The following SLC12A8 variants were observed in gnomAD, a reference collection of about 807,000 sequenced individuals.
SLC12A8 encodes the protein solute carrier family 12 member 8, also known as cation-chloride cotransporter 9.
In SLC12A8, 69 loss-of-function variants were observed where a neutral mutation model predicts 75.6. The ratio of observed to expected loss-of-function variants is 0.91; its 90% CI spans 0.75 to 1.11. The LOEUF (loss-of-function observed/expected upper bound fraction) is 1.11. Among genes scored for constraint, SLC12A8 ranks in the 50% most tolerant of loss-of-function variants. SLC12A8 has a pLI of 0.00. For synonymous variants in SLC12A8, 365 were observed against 372.8 expected, an observed-to-expected ratio of 0.98 and a Z score of 0.24; for missense variants, 877 against 896.7, an observed-to-expected ratio of 0.98 and a Z score of 0.28.
At chr3:125,112,751 A>T (rs1220509007) in intron 8 of SLC12A8, among the ~76,000 whole-genome samples, 2 of 152,232 alleles carry the variant, frequency 1.3e-5, no homozygotes, top group East Asian at 3.8e-4. Flanking sequence ...ATGAAATTTT[A>T]TCAAGAAAGA....
At position 125,106,352 on chromosome 3, in the gene SLC12A8, G is replaced by GTTTTTTTT. The variant is rs113822511; in HGVS notation, c.1705+1128_1705+1129insAAAAAAAA. ...GAACTTAAAACACTAGGTTTTTGGG[G>GTTTTTTTT]TTTTTTGTTGTTGTTGTTGTTTTGT... On this transcript the variant is annotated intron_variant, in intron 10 of 13. Transcript: ENST00000469902. 3.8e-3 allele frequency among the ~76,000 whole-genome samples: 562 copies of GTTTTTTTT among 149,706 alleles called. 3 individuals are homozygous for GTTTTTTTT. The highest frequency in any genetic ancestry group is 5.4e-3 in the Non-Finnish European group (365 of 67,762).
chr3:125,175,973 T>A (rs1156561813), intron 5 of SLC12A8, among the ~76,000 whole-genome samples: 1 of 152,010 alleles, frequency 6.6e-6, no homozygotes, highest in Non-Finnish European at 1.5e-5. Context: ...CTCAGGGAGT[T>A]CAGGGGAGTG....
chr3:125,134,280 A>G (rs1302057706), intron 6 of SLC12A8, among the ~76,000 whole-genome samples: 1 of 150,462 alleles, frequency 6.6e-6, no homozygotes, highest in Non-Finnish European at 1.5e-5. Context: ...TTTTTTTTAT[A>G]TATATTTTTA....
chr3:125,084,457 G>T (rs1221197314), intron 13 of SLC12A8, among the ~76,000 whole-genome samples: 1 of 152,042 alleles, frequency 6.6e-6, no homozygotes, highest in Non-Finnish European at 1.5e-5. Context: ...GAAAATTCTC[G>T]TAGGTCTATT....
intron 5 of SLC12A8, among the ~76,000 whole-genome samples, chr3:125,148,287 T>C (rs990250006): frequency 6.6e-6 from 1 of 152,214 alleles, no homozygotes; most frequent in African/African-American, 2.4e-5. Context: ...AGTGCTGGCC[T>C]GGGGTGTGGG....
At chr3:125,208,047 C>T (rs1935258916) in intron 2 of SLC12A8, among the ~76,000 whole-genome samples, 1 of 152,192 alleles carries the variant, frequency 6.6e-6, no homozygotes, top group Admixed American at 6.5e-5. Flanking sequence ...CCCAAGGGCC[C>T]AGCCTATCCA....
chr3:125,202,630 GTTTTTTTT>G (rs543411392), intron 2 of SLC12A8, among the ~76,000 whole-genome samples: 4,536 of 147,608 alleles, frequency 0.031, 168 homozygotes, highest in East Asian at 0.21. Context: ...TATTAACCAT[GTTTTTTTT>G]TTTTTTTTTT....
At chr3:125,200,888 A>T (rs2107802246) in intron 2 of SLC12A8, among the ~76,000 whole-genome samples, 1 of 152,342 alleles carries the variant, frequency 6.6e-6, no homozygotes, top group South Asian at 2.1e-4. Flanking sequence ...TTTTTGGCTT[A>T]GTGAGGGTTG....
chr3:125,180,029 GTT>G (rs5852447), intron 4 of SLC12A8, among the ~76,000 whole-genome samples: 3 of 150,746 alleles, frequency 2.0e-5, no homozygotes, highest in Non-Finnish European at 4.4e-5. Context: ...CTTCCAAACT[GTT>G]TTTTTTTTCC....
At position 125,110,229 on chromosome 3, in the gene SLC12A8, T is replaced by C. The variant is rs1019072571; in HGVS notation, c.1019A>G (p.Gln340Arg). Residue 340 changes from glutamine (Q) to arginine (R), a missense_variant, in exon 9 of 14, where the codon CAG (glutamine) becomes CGG (arginine). By Grantham distance (43) the Gln-to-Arg change is conservative. Transcript: ENST00000469902. ...GAPRILQCIA[Q>R]EKVIPALACL... ...GGCAAGTGCAGGGATCACTTTCTCCTGGGCAATGCACTGCAGGATGCGGGG... is the reference window on the plus strand; with the variant it reads ...GGCAAGTGCAGGGATCACTTTCTCCCGGGCAATGCACTGCAGGATGCGGGG... 3.1e-6 allele frequency: 5 copies of C among 1,613,888 alleles called. No individual in the cohort carries two copies. The African/African-American group carries it at 4.0e-5, about 13-fold the overall frequency.
chr3:125,116,849 C>T (rs1186306278), intron 8 of SLC12A8, among the ~76,000 whole-genome samples: 1 of 152,244 alleles, frequency 6.6e-6, no homozygotes, highest in Non-Finnish European at 1.5e-5. Flanking sequence ...ACCCAGTCTG[C>T]TCCCTGAGGC....
chr3:125,107,691 G>A lies in SLC12A8; in HGVS notation c.1495C>T (p.Gln499Ter). ...AAGAGGAAGCTATCTTGTAGGGTCT[G>A]CTTGGTGGCCTTCTTGCTTTTCCTC... Reference protein sequence around the residue: ...QKRKSKKATKQTLQDSFLLDL... With the variant: ...QKRKSKKATK Residue 499 changes from glutamine (Q) to a stop codon, truncating the protein, a stop_gained, in exon 10 of 14, where the codon CAG becomes TAG. Coordinates refer to ENST00000469902, the MANE Select transcript of SLC12A8 (RefSeq NM_024628.6). LOFTEE classifies it high-confidence loss of function. 6.2e-7 allele frequency: 1 copy of A among 1,614,154 alleles called. No homozygotes were observed. Among genetic ancestry groups the A allele is most frequent in the Non-Finnish European group, 8.5e-7 (1 of 1,180,012 alleles).
At chr3:125,101,440 C>G (rs1938872914) in intron 10 of SLC12A8, among the ~76,000 whole-genome samples, 1 of 152,200 alleles carries the variant, frequency 6.6e-6, no homozygotes, top group Admixed American at 6.5e-5. Flanking sequence ...TTGTATTTAT[C>G]TCACCTGACA....
intron 6 of SLC12A8, among the ~76,000 whole-genome samples, chr3:125,130,458 G>A (rs1476290792): frequency 6.6e-6 from 1 of 152,050 alleles, no homozygotes; most frequent in Non-Finnish European, 1.5e-5. Flanking sequence ...CAGGCATAGT[G>A]GCATGCTGTT....
chr3:125,181,544 T>C (rs1210138785), intron 4 of SLC12A8, among the ~76,000 whole-genome samples: 1 of 133,850 alleles, frequency 7.5e-6, no homozygotes, highest in East Asian at 2.1e-4. Context: ...GAGCTTGCAG[T>C]GAGCCGAGAT....
chr3:125,200,266 G>A (rs1170708093), intron 2 of SLC12A8, among the ~76,000 whole-genome samples: 1 of 152,136 alleles, frequency 6.6e-6, no homozygotes, highest in Non-Finnish European at 1.5e-5. Context: ...CTGGGAACAT[G>A]GCGAAACCCC....
At chr3:125,147,044 G>A (rs1933794233) in intron 5 of SLC12A8, among the ~76,000 whole-genome samples, 1 of 152,210 alleles carries the variant, frequency 6.6e-6, no homozygotes, top group Non-Finnish European at 1.5e-5. Flanking sequence ...TTACTCAAGG[G>A]CAAGGTGTGT....
chr3:125,173,814 G>A (rs1046350907), intron 5 of SLC12A8, among the ~76,000 whole-genome samples: 1 of 152,220 alleles, frequency 6.6e-6, no homozygotes. Flanking sequence ...ACAGTGGCCG[G>A]GCGCAGTGGC....
chr3:125,121,174 G>A (rs6790154), intron 6 of SLC12A8, among the ~76,000 whole-genome samples: 51,427 of 152,048 alleles, frequency 0.34, 8,946 homozygotes, highest in East Asian at 0.47. Context: ...CAAAGGGCTT[G>A]AAATAAACTC....
Sources: allele counts gnomAD v4.1 joint callset (sites outside exome capture counted in the v4.1 genomes callset), GRCh38; gene constraint gnomAD v4.1.1; transcripts MANE v1.5; gene names NCBI Gene and HGNC (gene_info 2026-07-23, HGNC 2026-07-21).